Variants in BTBD9 observed in about 807,000 individuals in gnomAD.
BTBD9 encodes the protein BTB domain containing 9.
BTBD9 carries 49 observed loss-of-function variants against 64.3 expected under a neutral mutation model. The observed-to-expected ratio is 0.76, with a 90% CI of 0.61 to 0.97. The LOEUF is 0.97. BTBD9 is among the 50% of genes least tolerant of loss of function. The probability of loss-of-function intolerance (pLI) is 0.00; values close to 1 mark genes in which losing one functional copy is unlikely to be tolerated. For synonymous variants in BTBD9, 260 were observed against 274.7 expected, an observed-to-expected ratio of 0.95 and a Z score of 0.53; for missense variants, 598 against 762.1, an observed-to-expected ratio of 0.78 and a Z score of 2.53.
rs756104605 is a variant in BTBD9, at chr6:38,448,769, C to T, written c.1155-103676G>A. ...CTGGCCTCAAGTGATCCGCCTGCCTCGGCCTCCCAAAGTGCTGGGATTACA... is the reference window on the plus strand; with the variant it reads ...CTGGCCTCAAGTGATCCGCCTGCCTTGGCCTCCCAAAGTGCTGGGATTACA... On this transcript the variant is annotated intron_variant, in intron 6 of 10. Transcript: ENST00000481247. Among the ~76,000 whole-genome samples, 11 of 152,318 alleles carry T rather than the reference C, an allele frequency of 7.2e-5. No individual in the cohort carries two copies. In the East Asian group the frequency reaches 1.2e-3, roughly 16 times the overall value.
chr6:38,505,265 C>A (rs1224607877), intron 6 of BTBD9, among the ~76,000 whole-genome samples: 4 of 152,260 alleles, frequency 2.6e-5, no homozygotes, highest in East Asian at 1.9e-4. Context: ...TGTCTATAGA[C>A]CAAATCTCTC....
At chr6:38,279,359 A>T (rs1273649265) in intron 8 of BTBD9, among the ~76,000 whole-genome samples, 1 of 152,114 alleles carries the variant, frequency 6.6e-6, no homozygotes, top group African/African-American at 2.4e-5. Flanking sequence ...GGCTCCTGGG[A>T]AAAGAGTCTC....
At chr6:38,533,754 C>T (rs1187234201) in intron 6 of BTBD9, among the ~76,000 whole-genome samples, 1 of 152,040 alleles carries the variant, frequency 6.6e-6, no homozygotes, top group African/African-American at 2.4e-5. Flanking sequence ...ACTACACAAA[C>T]ACATGCAAAT....
At chr6:38,275,799 TACCAACTCAC>T (rs1761212330) in intron 8 of BTBD9, among the ~76,000 whole-genome samples, 1 of 151,936 alleles carries the variant, frequency 6.6e-6, no homozygotes, top group Non-Finnish European at 1.5e-5. Flanking sequence ...CACAATGAGA[TACCAACTCAC>T]ACCAGTTAGA....
chr6:38,588,606 A>G, intron 4 of BTBD9: 1 of 298,144 alleles, frequency 3.4e-6, no homozygotes, highest in Non-Finnish European at 5.8e-6. Flanking sequence ...TTTAATCTGT[A>G]ATGAAGTTCA....
intron 6 of BTBD9, among the ~76,000 whole-genome samples, chr6:38,491,623 G>C (rs1263495524): frequency 1.3e-5 from 2 of 152,020 alleles, no homozygotes; most frequent in South Asian, 2.1e-4. Flanking sequence ...AATCTTAGCA[G>C]TCAAACACTG....
chr6:38,602,044 G>T (rs905034393), intron 1 of BTBD9, among the ~76,000 whole-genome samples: 1 of 152,104 alleles, frequency 6.6e-6, no homozygotes, highest in African/African-American at 2.4e-5. Flanking sequence ...GACATAAGTT[G>T]TTTGGGGATA....
chr6:38,443,333 C>T (rs116132026), intron 6 of BTBD9, among the ~76,000 whole-genome samples: 245 of 152,258 alleles, frequency 1.6e-3, no homozygotes, highest in African/African-American at 5.7e-3. Context: ...ATATGTTTTC[C>T]CTGGCTCAAC....
At chr6:38,557,657 C>A (rs2127453973) in intron 6 of BTBD9, among the ~76,000 whole-genome samples, 1 of 152,256 alleles carries the variant, frequency 6.6e-6, no homozygotes, top group Admixed American at 6.5e-5. Context: ...TTTATAAAAA[C>A]AAGGTATTAG....
At chr6:38,388,618 G>A (rs1240120377) in intron 6 of BTBD9, among the ~76,000 whole-genome samples, 2 of 152,140 alleles carry the variant, frequency 1.3e-5, no homozygotes, top group Non-Finnish European at 2.9e-5. Context: ...TATATCAACT[G>A]AATTTAGTGT....
At chr6:38,530,133 T>A (rs9366965) in intron 6 of BTBD9, among the ~76,000 whole-genome samples, 11,520 of 152,172 alleles carry the variant, frequency 0.076, 1,041 homozygotes, top group East Asian at 0.23. Flanking sequence ...CGCCCTGGTC[T>A]CCTGCAGTAC....
At chr6:38,256,354 C>T (rs189675596) in intron 9 of BTBD9, 55 bp downstream of exon 9, 3 of 1,316,538 alleles carry the variant, frequency 2.3e-6, no homozygotes, top group East Asian at 4.6e-5. Flanking sequence ...CCTCCCAATC[C>T]ACTGGGAAGA....
At chr6:38,333,784 A>G (rs1339072257) in intron 7 of BTBD9, among the ~76,000 whole-genome samples, 5 of 152,244 alleles carry the variant, frequency 3.3e-5, no homozygotes, top group African/African-American at 1.2e-4. Flanking sequence ...ATGTCTTTAT[A>G]GCAGTGTGAA....
chr6:38,398,298 T>C (rs1582363655), intron 6 of BTBD9, among the ~76,000 whole-genome samples: 2 of 152,128 alleles, frequency 1.3e-5, no homozygotes, highest in East Asian at 3.9e-4. Flanking sequence ...GAGAGAAATA[T>C]AAAATTGTAC....
intron 4 of BTBD9, among the ~76,000 whole-genome samples, 154 bp downstream of exon 4, chr6:38,592,411 TTAACAGGAAAA>T (rs1296392829): frequency 6.6e-6 from 1 of 152,092 alleles, no homozygotes; most frequent in Non-Finnish European, 1.5e-5. Context: ...TCAGGAGGAA[TTAACAGGAAAA>T]TGAAAGGGAA....
At chr6:38,610,327 T>A (rs1203581148) in intron 1 of BTBD9, among the ~76,000 whole-genome samples, 2 of 152,234 alleles carry the variant, frequency 1.3e-5, no homozygotes, top group African/African-American at 4.8e-5. Context: ...GTAGCCATGG[T>A]AAATCTAAAG....
At chr6:38,365,774 A>AT (rs1416203815) in intron 6 of BTBD9, among the ~76,000 whole-genome samples, 1 of 149,060 alleles carries the variant, frequency 6.7e-6, no homozygotes, top group African/African-American at 2.5e-5. Flanking sequence ...AAAAAAAAAA[A>AT]ACATACTGAA....
intron 6 of BTBD9, among the ~76,000 whole-genome samples, chr6:38,572,966 C>G (rs1458387888): frequency 2.0e-5 from 3 of 151,822 alleles, no homozygotes; most frequent in Admixed American, 2.0e-4. Context: ...AATGCGTTAA[C>G]AAATTTCATA....
intron 6 of BTBD9, among the ~76,000 whole-genome samples, chr6:38,439,473 C>T (rs1018100858): frequency 6.6e-6 from 1 of 151,704 alleles, no homozygotes; most frequent in African/African-American, 2.4e-5. Context: ...GTTGCCCAGG[C>T]TGGAGTACAG....
Sources: allele counts gnomAD v4.1 joint callset (sites outside exome capture counted in the v4.1 genomes callset), GRCh38; gene constraint gnomAD v4.1.1; transcripts MANE v1.5; gene names NCBI Gene and HGNC (gene_info 2026-07-23, HGNC 2026-07-21).